The following SULF2 variants were observed in gnomAD, a reference collection of about 807,000 sequenced individuals.
The protein encoded by SULF2 is extracellular sulfatase Sulf-2.
Under a neutral mutation model 107.7 loss-of-function variants are expected in SULF2, and 52 were observed. The ratio of observed to expected loss-of-function variants is 0.48; its 90% CI spans 0.39 to 0.61. The LOEUF (loss-of-function observed/expected upper bound fraction) is 0.61. Ranked by LOEUF, SULF2 falls within the 20% of genes least tolerant of loss-of-function variation. The pLI is 0.00. For missense variants in SULF2, 993 were observed against 1,177.3 expected, an observed-to-expected ratio of 0.84 and a Z score of 2.29; for synonymous variants, 460 against 464.3, an observed-to-expected ratio of 0.99 and a Z score of 0.12.
chr20:47,742,664 A>G (rs2089912127), intron 2 of SULF2, among the ~76,000 whole-genome samples: 1 of 152,220 alleles, frequency 6.6e-6, no homozygotes, highest in Admixed American at 6.5e-5. Context: ...GTGATTTAAG[A>G]AAAAACCCTT....
chr20:47,741,401 C>G (rs2089878722), intron 2 of SULF2, among the ~76,000 whole-genome samples: 1 of 152,146 alleles, frequency 6.6e-6, no homozygotes, highest in Non-Finnish European at 1.5e-5. Flanking sequence ...TGCCCTCACC[C>G]CCTTCTTGTC....
chr20:47,758,734 T>C lies in SULF2; in HGVS notation c.-100-1271A>G, dbSNP rs190347497. Among the ~76,000 whole-genome samples, 8 of 152,278 alleles carry C rather than the reference T, an allele frequency of 5.3e-5. No homozygotes were observed. The East Asian group carries it at 1.5e-3, about 29-fold the overall frequency. The stretch of plus-strand genomic sequence containing the variant: ...AATGAGCCTTCAAGTCCTGTCCAGA[T>C]ATAGACTTTTGGTATCATTTATTTA... On this transcript the variant is annotated intron_variant, in intron 1 of 20. Coordinates refer to ENST00000688720, the MANE Select transcript of SULF2 (RefSeq NM_001387048.1).
chr20:47,782,709 G>C (rs2090854020), intron 1 of SULF2, among the ~76,000 whole-genome samples: 1 of 152,134 alleles, frequency 6.6e-6, no homozygotes, highest in African/African-American at 2.4e-5. Context: ...GTTTCCCTTT[G>C]CATTTTGACT....
intron 3 of SULF2, among the ~76,000 whole-genome samples, chr20:47,730,032 G>A (rs55856581): frequency 0.075 from 11,462 of 151,964 alleles, 810 homozygotes; most frequent in African/African-American, 0.19. Flanking sequence ...GATGGGGTGG[G>A]GTCATCAGGA....
chr20:47,684,320 C>A, intron 6 of SULF2, 111 bp downstream of exon 6: 1 of 1,242,108 alleles, frequency 8.1e-7, no homozygotes, highest in Non-Finnish European at 1.1e-6. Flanking sequence ...CTTCATTCTG[C>A]CTTTGATTTC....
chr20:47,661,155 C>G (rs888883130), intron 18 of SULF2, among the ~76,000 whole-genome samples: 1 of 152,136 alleles, frequency 6.6e-6, no homozygotes, highest in Non-Finnish European at 1.5e-5. Flanking sequence ...GCCCTCCCGC[C>G]ACTCTCCACT....
intron 2 of SULF2, among the ~76,000 whole-genome samples, chr20:47,742,347 A>G (rs919176574): frequency 4.6e-5 from 7 of 152,142 alleles, no homozygotes; most frequent in African/African-American, 1.7e-4. Context: ...GCCAACCTCA[A>G]CTTCTTTCGT....
chr20:47,735,523 C>G (rs1439002647), intron 3 of SULF2, among the ~76,000 whole-genome samples: 2 of 152,182 alleles, frequency 1.3e-5, no homozygotes, highest in Non-Finnish European at 2.9e-5. Context: ...CTTCTGCTAG[C>G]AACATCCAGG....
chr20:47,663,009 G>T, intron 17 of SULF2, 61 bp downstream of exon 17: 1 of 1,594,588 alleles, frequency 6.3e-7, no homozygotes, highest in Admixed American at 1.7e-5. Context: ...GTTGGGGGGG[G>T]CCTACCTGGC....
In SULF2 at chr20:47,665,850, C is replaced by T. The variant is rs375609913; in HGVS notation, c.1902+7G>A. 4.3e-6 allele frequency: 7 copies of T among 1,613,010 alleles called. No individual in the cohort carries two copies. In the Admixed American group the frequency reaches 1.0e-4, roughly 23 times the overall value. ...GAGAGCATGCTCCTCTCCCGCTCTC[C>T]ACTCACCTCGTGGTCGATGTGCAGC... On this transcript the variant is annotated splice_region_variant and intron_variant, in intron 13 of 20. Transcript: ENST00000688720.
At chr20:47,745,399 AAAAAAAAAAAAATATAT>A (rs2089994832) in intron 2 of SULF2, among the ~76,000 whole-genome samples, 1 of 27,722 alleles carries the variant, frequency 3.6e-5, no homozygotes. Flanking sequence ...AAAAAAAAAA[AAAAAAAAAAAAATATAT>A]ATATATATAT....
At chr20:47,767,565 G>A (rs983803444) in intron 1 of SULF2, among the ~76,000 whole-genome samples, 4 of 152,136 alleles carry the variant, frequency 2.6e-5, no homozygotes, top group Non-Finnish European at 5.9e-5. Context: ...TGGATCATGA[G>A]GTCAGATCGA....
At chr20:47,780,237 G>C (rs2090804522) in intron 1 of SULF2, among the ~76,000 whole-genome samples, 1 of 151,830 alleles carries the variant, frequency 6.6e-6, no homozygotes, top group African/African-American at 2.4e-5. Flanking sequence ...GGCTGGTCTT[G>C]AACTCCTGAC....
chr20:47,673,738 C>T (rs2087552255), intron 10 of SULF2, among the ~76,000 whole-genome samples: 1 of 152,236 alleles, frequency 6.6e-6, no homozygotes, highest in Admixed American at 6.5e-5. Context: ...ATGAGGCCAG[C>T]CCAGAAGCGC....
intron 4 of SULF2, among the ~76,000 whole-genome samples, chr20:47,699,495 A>G (rs1033088280): frequency 3.3e-5 from 5 of 151,858 alleles, no homozygotes; most frequent in Non-Finnish European, 7.4e-5. Flanking sequence ...TAAGTATGCA[A>G]GGGTATGCTT....
intron 1 of SULF2, among the ~76,000 whole-genome samples, chr20:47,763,024 G>A (rs2090449273): frequency 6.6e-6 from 1 of 152,130 alleles, no homozygotes; most frequent in Admixed American, 6.5e-5. Flanking sequence ...ATGACACAAG[G>A]GATTCTGCCT....
At chr20:47,702,150 C>T (rs779252470) in intron 4 of SULF2, among the ~76,000 whole-genome samples, 2 of 152,136 alleles carry the variant, frequency 1.3e-5, no homozygotes, top group East Asian at 1.9e-4. Flanking sequence ...CTCAAACTCC[C>T]GGGCTTAAGC....
intron 3 of SULF2, among the ~76,000 whole-genome samples, chr20:47,724,284 A>G (rs1478125491): frequency 6.6e-6 from 1 of 152,250 alleles, no homozygotes; most frequent in Non-Finnish European, 1.5e-5. Context: ...GGGGACAAAC[A>G]GGGACAAGCA....
chr20:47,773,096 C>T (rs1033721782), intron 1 of SULF2, among the ~76,000 whole-genome samples: 2 of 152,076 alleles, frequency 1.3e-5, no homozygotes, highest in African/African-American at 4.8e-5. Context: ...CATAAAGCCC[C>T]GCTGGAGCTT....
Sources: allele counts gnomAD v4.1 joint callset (sites outside exome capture counted in the v4.1 genomes callset), GRCh38; gene constraint gnomAD v4.1.1; transcripts MANE v1.5; gene names NCBI Gene and HGNC (gene_info 2026-07-23, HGNC 2026-07-21).